The following DIS3L2 variants were observed in gnomAD, a reference collection of about 807,000 sequenced individuals.
The protein encoded by DIS3L2 is DIS3-like exonuclease 2.
Under a neutral mutation model 97.5 loss-of-function variants are expected in DIS3L2, and 34 were observed. The observed-to-expected ratio is 0.35, with a 90% CI of 0.27 to 0.46. The LOEUF (loss-of-function observed/expected upper bound fraction) is 0.46, where lower values mean the gene tolerates loss of function less well. DIS3L2 is among the 20% of genes least tolerant of loss of function. DIS3L2 has a pLI of 1.00. For missense variants in DIS3L2, 1,038 were observed against 1,146.0 expected (o/e 0.91, Z 1.36); for synonymous variants, 435 against 445.2 (o/e 0.98, Z 0.29).
At chr2:232,318,813 A>G (rs572053270) in intron 14 of DIS3L2, among the ~76,000 whole-genome samples, 1 of 152,306 alleles carries the variant, frequency 6.6e-6, no homozygotes, top group South Asian at 2.1e-4. Context: ...CGCCTCACCA[A>G]GCCTCTGTGT....
At chr2:232,103,984 C>T (rs1332782048) in intron 6 of DIS3L2, among the ~76,000 whole-genome samples, 4 of 152,048 alleles carry the variant, frequency 2.6e-5, no homozygotes, top group East Asian at 3.8e-4. Flanking sequence ...ATCATAACCC[C>T]TTTCAGGTCC....
intron 5 of DIS3L2, among the ~76,000 whole-genome samples, chr2:232,040,725 T>A (rs755122424): frequency 6.6e-6 from 1 of 152,244 alleles, no homozygotes; most frequent in African/African-American, 2.4e-5. Flanking sequence ...TATTCTTTTG[T>A]ATGCTGTTGT....
chr2:231,991,732 TTTA>T (rs1219786593), intron 1 of DIS3L2, among the ~76,000 whole-genome samples: 1 of 152,136 alleles, frequency 6.6e-6, no homozygotes, highest in African/African-American at 2.4e-5. Context: ...ATCAAGAACA[TTTA>T]TTAGGTGTGT....
chr2:232,074,120 G>C (rs1294551523), intron 5 of DIS3L2, among the ~76,000 whole-genome samples: 1 of 152,120 alleles, frequency 6.6e-6, no homozygotes, highest in Non-Finnish European at 1.5e-5. Flanking sequence ...AGATATAAAG[G>C]CATAGAATTA....
intron 6 of DIS3L2, among the ~76,000 whole-genome samples, chr2:232,094,776 G>T (rs1249088143): frequency 6.6e-6 from 1 of 151,432 alleles, no homozygotes; most frequent in Non-Finnish European, 1.5e-5. Context: ...TTATATTGGG[G>T]TCTATCTCTC....
At chr2:232,244,362 G>A (rs1693188319) in intron 11 of DIS3L2, among the ~76,000 whole-genome samples, 1 of 152,214 alleles carries the variant, frequency 6.6e-6, no homozygotes, top group Admixed American at 6.5e-5. Context: ...GGGAGGGGTG[G>A]TCGTTTGCTT....
chr2:232,337,403 C>A (rs1359804374), downstream of DIS3L2, among the ~76,000 whole-genome samples: 1 of 152,132 alleles, frequency 6.6e-6, no homozygotes, highest in Non-Finnish European at 1.5e-5. Flanking sequence ...CCGGCAGCAC[C>A]AAGGGAGCCT....
chr2:232,252,334 G>A (rs1339546455), intron 12 of DIS3L2, among the ~76,000 whole-genome samples: 2 of 152,116 alleles, frequency 1.3e-5, no homozygotes, highest in African/African-American at 2.4e-5. Context: ...ACTTGAACCC[G>A]GGAGGTGGAG....
At chr2:232,316,430 C>G (rs1348996475) in intron 14 of DIS3L2, among the ~76,000 whole-genome samples, 2 of 152,028 alleles carry the variant, frequency 1.3e-5, no homozygotes, top group Admixed American at 6.6e-5. Context: ...GTCTTTGTCT[C>G]TGCCTTTACA....
At chr2:232,329,785 T>TGCCGGGGGGGGCCCCCC in intron 14 of DIS3L2, 28 bp from the exon 15 acceptor site, 13 of 967,132 alleles carry the variant, frequency 1.3e-5, no homozygotes, top group Non-Finnish European at 1.7e-5. Flanking sequence ...ACCCCAGCGG[T>TGCCGGGGGGGGCCCCCC]CCCTCCCATC....
At chr2:232,160,693 G>C (rs1425071480) in intron 8 of DIS3L2, among the ~76,000 whole-genome samples, 1 of 151,838 alleles carries the variant, frequency 6.6e-6, no homozygotes, top group Non-Finnish European at 1.5e-5. Flanking sequence ...CCTGGGCGAC[G>C]TGGCAAAACC....
At chr2:232,299,987 A>C (rs1353524900) in intron 13 of DIS3L2, 53 bp from the exon 14 acceptor site, 3 of 1,540,222 alleles carry the variant, frequency 1.9e-6, no homozygotes, top group Non-Finnish European at 2.7e-6. Context: ...CAGCTATTGG[A>C]ATGAATAGAG....
chr2:232,328,335 T>C (rs555737328), intron 14 of DIS3L2, among the ~76,000 whole-genome samples: 2 of 152,340 alleles, frequency 1.3e-5, no homozygotes, highest in African/African-American at 4.8e-5. Flanking sequence ...CCTCTCCAGG[T>C]GGTGCCTGCC....
intron 12 of DIS3L2, among the ~76,000 whole-genome samples, chr2:232,256,164 TA>T (rs1693556802): frequency 6.6e-6 from 1 of 152,246 alleles, no homozygotes. Context: ...CTTACAATGG[TA>T]ACTTTTTCCT....
At chr2:232,241,078 C>T (rs1213189292) in intron 11 of DIS3L2, among the ~76,000 whole-genome samples, 2 of 152,216 alleles carry the variant, frequency 1.3e-5, no homozygotes, top group East Asian at 1.9e-4. Context: ...GCTTGGCAGG[C>T]ACAAGTGGCG....
At chr2:232,302,123 G>T (rs1324838725) in intron 14 of DIS3L2, among the ~76,000 whole-genome samples, 1 of 150,716 alleles carries the variant, frequency 6.6e-6, no homozygotes, top group Non-Finnish European at 1.5e-5. Flanking sequence ...AAATCAGATA[G>T]GAGCCATGAT....
chr2:232,173,729 G>C (rs1466397881), intron 9 of DIS3L2, among the ~76,000 whole-genome samples: 3 of 152,096 alleles, frequency 2.0e-5, no homozygotes, highest in Admixed American at 2.0e-4. Context: ...GGCATTTCTT[G>C]TCAAAAATTA....
intron 11 of DIS3L2, among the ~76,000 whole-genome samples, chr2:232,241,212 TC>T (rs1220220893): frequency 6.6e-6 from 1 of 152,278 alleles, no homozygotes; most frequent in Non-Finnish European, 1.5e-5. Flanking sequence ...TCTGCTGTTT[TC>T]ACTTTACTTT....
At chr2:232,312,443 CTG>C (rs1695161476) in intron 14 of DIS3L2, among the ~76,000 whole-genome samples, 1 of 152,200 alleles carries the variant, frequency 6.6e-6, no homozygotes, top group Non-Finnish European at 1.5e-5. Context: ...GCTCTCCATT[CTG>C]TGTCACTGGT....
Sources: allele counts gnomAD v4.1 joint callset (sites outside exome capture counted in the v4.1 genomes callset), GRCh38; gene constraint gnomAD v4.1.1; transcripts MANE v1.5; gene names NCBI Gene and HGNC (gene_info 2026-07-23, HGNC 2026-07-21).